SLC6A12: variants seen among roughly 807,000 people sequenced by gnomAD.
SLC6A12 encodes solute carrier family 6 member 12.
A neutral mutation model predicts 73.3 loss-of-function variants in SLC6A12; 50 were observed. The ratio of observed to expected loss-of-function variants is 0.68; its 90% CI spans 0.54 to 0.86. The LOEUF (loss-of-function observed/expected upper bound fraction) is 0.86, where lower values mean the gene tolerates loss of function less well. Ranked by LOEUF, SLC6A12 falls within the 40% of genes least tolerant of loss-of-function variation. The probability of loss-of-function intolerance (pLI) is 0.00; values close to 1 mark genes in which losing one functional copy is unlikely to be tolerated. For missense variants in SLC6A12, 648 were observed against 772.8 expected, an observed-to-expected ratio of 0.84 and a Z score of 1.92; for synonymous variants, 304 against 309.2, an observed-to-expected ratio of 0.98 and a Z score of 0.18.
intron 1 of SLC6A12, among the ~76,000 whole-genome samples, chr12:212,586 G>C (rs964159381): frequency 3.9e-5 from 6 of 152,046 alleles, no homozygotes; most frequent in African/African-American, 1.5e-4. Flanking sequence ...TGAAAATCCA[G>C]AACGGCAGAA....
intron 3 of SLC6A12, 68 bp downstream of exon 3, chr12:209,705 C>T (rs1940822109): frequency 6.4e-7 from 1 of 1,554,260 alleles, no homozygotes; most frequent in Non-Finnish European, 8.9e-7. Context: ...GAAGGAGGGC[C>T]CAGGTAGGCA....
downstream of SLC6A12, among the ~76,000 whole-genome samples, chr12:186,913 G>A (rs1939441320): frequency 6.6e-6 from 1 of 152,158 alleles, no homozygotes; most frequent in African/African-American, 2.4e-5. Flanking sequence ...CCCTTCTGAG[G>A]CACCAGGACC....
Position 198,654 on chromosome 12 carries a change from G to T in SLC6A12, c.846+143C>A. 2 of 697,626 alleles carry T rather than the reference G, an allele frequency of 2.9e-6. No individual in the cohort carries two copies. The highest frequency in any genetic ancestry group is 4.7e-6 in the Non-Finnish European group (2 of 425,748). 43.2% of individuals were successfully genotyped at this position (697,626 alleles called of 1,614,324 possible). ...AGATTTTTTTAGTTTCTTTTTTATAGCTTTCTTCCATATTTTCTAATTTAT... is the reference window on the plus strand; with the variant it reads ...AGATTTTTTTAGTTTCTTTTTTATATCTTTCTTCCATATTTTCTAATTTAT... On this transcript the variant is annotated intron_variant, in intron 8 of 15. Transcript: ENST00000684302. The surrounding 1 kb of genome is among the most constrained non-coding windows in gnomAD (Gnocchi z 4.0).
rs1289412054 is a variant in SLC6A12 at position 209,822 on chromosome 12, C to A, written c.165G>T (p.Gly55=). 6 of 1,614,208 alleles carry A rather than the reference C, an allele frequency of 3.7e-6. No individual in the cohort carries two copies. Among genetic ancestry groups the A allele is most frequent in the South Asian group, 1.1e-5 (1 of 91,086 alleles). Residue 55 remains glycine (G), a synonymous_variant, in exon 3 of 16, where the codon GGG becomes GGT. Coordinates refer to ENST00000684302, the MANE Select transcript of SLC6A12 (RefSeq NM_001122848.3). ...FVLSVAGEII[G]LGNVWRFPYL... is the part of the protein sequence containing the mutation. ...AGGGAAACCTCCAGACATTGCCCAG[C>A]CCAATGATCTCCCCGGCCACTGACA...
chr12:192,666 C>A lies in SLC6A12; in HGVS notation c.1531-18G>T, dbSNP rs1939656341. 6.2e-7 allele frequency: 1 copy of A among 1,613,324 alleles called. No homozygotes were observed. Among genetic ancestry groups the A allele is most frequent in the Admixed American group, 1.7e-5 (1 of 59,988 alleles). ...AAAGTGGCCTGGGAGAAGGAAGGGG[C>A]AGCCATGGGTAAGATAGGGGGCGAC... On this transcript the variant is annotated intron_variant, in intron 14 of 15. Coordinates refer to ENST00000684302, the MANE Select transcript of SLC6A12 (RefSeq NM_001122848.3).
intron 6 of SLC6A12, chr12:201,423 C>T: frequency 3.6e-6 from 1 of 281,018 alleles, no homozygotes; most frequent in South Asian, 4.6e-5. Flanking sequence ...CACCACCGAG[C>T]ATGGCAGTGG....
At chr12:185,114 T>C (rs1166843200), downstream of SLC6A12, among the ~76,000 whole-genome samples, 2 of 152,164 alleles carry the variant, frequency 1.3e-5, no homozygotes, top group African/African-American at 4.8e-5. Flanking sequence ...TCTGAGTGTC[T>C]ATGTAAAACA....
chr12:201,572 G>T, intron 6 of SLC6A12, 190 bp downstream of exon 6: 1 of 587,342 alleles, frequency 1.7e-6, no homozygotes. Context: ...GTGAGTCTCC[G>T]TGGACCCGTG....
intron 6 of SLC6A12, 49 bp downstream of exon 6, chr12:201,713 A>C (rs1481761103): frequency 2.8e-6 from 4 of 1,438,992 alleles, no homozygotes; most frequent in Non-Finnish European, 3.9e-6. Context: ...TGCACAGCTC[A>C]GACATCCAAA....
rs526690 is a variant in SLC6A12 at position 209,945 on chromosome 12, T to G, written c.42A>C (p.Ala14=). The change falls in exon 3 of 16, where the codon GCA becomes GCC. Residue 14 remains alanine (A), a synonymous_variant. Coordinates refer to ENST00000684302, the MANE Select transcript of SLC6A12 (RefSeq NM_001122848.3). The part of the protein sequence containing the change: ...KVAVQECGPP[A]VSWVPEEGEK... ...CTCCCTCCTCGGGGACCCAGGAGAC[T>G]GCAGGAGGCCCACACTCTTGCACTG... is the stretch of plus-strand genomic sequence containing the variant. 2.5e-6 allele frequency: 4 copies of G among 1,613,950 alleles called. No individual in the cohort carries two copies. Among genetic ancestry groups the G allele is most frequent in the Non-Finnish European group, 3.4e-6 (4 of 1,179,950 alleles).
At position 204,562 on chromosome 12, in the gene SLC6A12, A is replaced by G. The variant is rs760907499; in HGVS notation, c.349+2T>C. The G allele has an allele frequency of 1.2e-6, 2 of 1,613,962 alleles. No individual in the cohort carries two copies. The highest frequency in any genetic ancestry group is 8.5e-7 in the Non-Finnish European group (1 of 1,179,934). On this transcript the variant is annotated splice_donor_variant, in intron 4 of 15. Coordinates refer to ENST00000684302, the MANE Select transcript of SLC6A12 (RefSeq NM_001122848.3). LOFTEE classifies it high-confidence loss of function. ...AAGGGGAAGGTGGGGGAGGATACAT[A>G]CCCTGGAAGAGGGGGCAGATCTTCC...
chr12:197,177 C>T (rs1565469149), intron 10 of SLC6A12, among the ~76,000 whole-genome samples, 200 bp downstream of exon 10: 1 of 77,392 alleles, frequency 1.3e-5, no homozygotes, highest in African/African-American at 4.4e-5. Flanking sequence ...ATCCATCCAT[C>T]CATCCATCCA....
In SLC6A12 at chr12:200,648, C is replaced by A. The variant is rs1248530365; in HGVS notation, c.711+3G>T. On this transcript the variant is annotated splice_donor_region_variant and intron_variant, in intron 7 of 15. Coordinates refer to ENST00000684302, the MANE Select transcript of SLC6A12 (RefSeq NM_001122848.3). The stretch of plus-strand genomic sequence containing the variant: ...GAGCTTCCCAGGAGGCAGGACATCT[C>A]ACCTTGCCTGTGGACTTGACCCCCT... 6.2e-7 allele frequency: 1 copy of A among 1,613,796 alleles called. No homozygotes were observed. The highest frequency in any genetic ancestry group is 1.7e-5 in the Admixed American group (1 of 59,972).
downstream of SLC6A12, among the ~76,000 whole-genome samples, chr12:185,300 C>G (rs909982407): frequency 1.3e-5 from 2 of 152,216 alleles, no homozygotes; most frequent in African/African-American, 4.8e-5. Flanking sequence ...CATGACAAAC[C>G]CAAATTCCAA....
At position 213,213 on chromosome 12, in the gene SLC6A12, C is replaced by A; in HGVS notation, c.-143+709G>T. The A allele has an allele frequency of 6.5e-6, 1 of 152,830 alleles. No homozygotes were observed. 9.5% of individuals were successfully genotyped at this position (152,830 alleles called of 1,614,324 possible). A position where few individuals can be genotyped will look rare whatever the true frequency, so the allele number is the denominator to read the frequency against. Reference sequence around the variant, plus strand: ...TGGGACACCCAGCCCCTGCTTCAGTCCACACCCACATACCAACACCCATTC... The same window carrying A: ...TGGGACACCCAGCCCCTGCTTCAGTACACACCCACATACCAACACCCATTC... On this transcript the variant is annotated intron_variant, in intron 1 of 15. Coordinates refer to ENST00000684302, the MANE Select transcript of SLC6A12 (RefSeq NM_001122848.3). This position sits in a 1 kb window ranked among gnomAD's most constrained non-coding sequence, Gnocchi z 5.3.
intron 12 of SLC6A12, among the ~76,000 whole-genome samples, 161 bp downstream of exon 12, chr12:195,963 G>A (rs561345787): frequency 1.3e-5 from 2 of 152,282 alleles, no homozygotes; most frequent in African/African-American, 4.8e-5. Context: ...CCTCACAAAT[G>A]CATGTTGTGT....
rs149184663 is a variant in SLC6A12 at position 191,126 on chromosome 12, A to G, written c.1787T>C (p.Phe596Ser). Residue 596 changes from phenylalanine to serine, a missense_variant, in exon 16 of 16, where the codon TTT becomes TCT. Physicochemically the swap from Phe to Ser is radical, Grantham distance 155 (BLOSUM62 -2). Coordinates refer to ENST00000684302, the MANE Select transcript of SLC6A12 (RefSeq NM_001122848.3). The stretch of plus-strand genomic sequence containing the variant: ...TCCTTCCCTTGTTGGGGAGGGCCCA[A>G]AGTTCCGGCCAGCACTGCCATCCAA... The part of the protein sequence containing the change: ...PCLDGSAGRN[F>S]GPSPTREGLI... 1.6e-5 allele frequency: 22 copies of G among 1,354,212 alleles called. No individual in the cohort carries two copies. The highest frequency in any genetic ancestry group is 2.1e-5 in the Non-Finnish European group (22 of 1,039,776). 83.9% of individuals were successfully genotyped at this position (1,354,212 alleles called of 1,614,324 possible).
chr12:210,241 C>A, intron 2 of SLC6A12, 198 bp from the exon 3 acceptor site: 1 of 1,132,568 alleles, frequency 8.8e-7, no homozygotes, highest in South Asian at 1.7e-5. Flanking sequence ...GAAATCCAGG[C>A]CTTGGCAGAT....
At position 202,758 on chromosome 12, in the gene SLC6A12, T is replaced by C. The variant is rs144464466; in HGVS notation, c.472A>G (p.Asn158Asp). The C allele has an allele frequency of 5.3e-5, 86 of 1,613,480 alleles. No individual in the cohort carries two copies. Among genetic ancestry groups the C allele is most frequent in the Non-Finnish European group, 6.9e-5 (81 of 1,179,744 alleles). The change falls in exon 5 of 16, where the codon AAC becomes GAC. Residue 158 changes from asparagine (N) to aspartate (D), a missense_variant. Physicochemically the swap from Asn to Asp is conservative, Grantham distance 23. Transcript: ENST00000684302. ...TGGATACCTGTGTTCCAAAAGTTGT[T>C]GCAGGTCGTCCAGGGCAGCTCAGAA... ...FTSELPWTTC[N>D]NFWNTEHCTD...
Sources: allele counts gnomAD v4.1 joint callset (sites outside exome capture counted in the v4.1 genomes callset), GRCh38; gene constraint gnomAD v4.1.1; non-coding constraint Gnocchi (gnomAD v3.1); transcripts MANE v1.5; gene names NCBI Gene and HGNC (gene_info 2026-07-23, HGNC 2026-07-21).